The following TRMT9B variants were observed in gnomAD, a reference collection of about 807,000 sequenced individuals.
TRMT9B encodes the protein probable tRNA methyltransferase 9B.
A neutral mutation model predicts 11.5 loss-of-function variants in TRMT9B; 16 were observed. The ratio of observed to expected loss-of-function variants is 1.39; its 90% confidence interval spans 0.94 to 2.11. The LOEUF (loss-of-function observed/expected upper bound fraction) is 2.11. TRMT9B is among the 30% of genes most tolerant of loss of function. TRMT9B has a pLI of 0.00. For synonymous variants in TRMT9B, 274 were observed against 192.4 expected (o/e 1.42, Z -3.51); for missense variants, 941 against 553.8 (o/e 1.70, Z -7.02).
chr8:12,990,515 G>A (rs1170232545), intron 1 of TRMT9B, among the ~76,000 whole-genome samples: 2 of 152,106 alleles, frequency 1.3e-5, no homozygotes, highest in Non-Finnish European at 2.9e-5. Flanking sequence ...ATTGTCTTAG[G>A]TAGTATTTAT....
rs1806570004 is a variant in TRMT9B at position 12,987,689 on chromosome 8, T to C, written c.-199-3145T>C. 1.4e-4 allele frequency among the ~76,000 whole-genome samples: 4 copies of C among 27,990 alleles called. No homozygotes were observed. In the Admixed American group the frequency reaches 1.8e-3, roughly 12 times the overall value. 18.4% of individuals were successfully genotyped at this position (27,990 alleles called of 152,430 possible). A position where few individuals can be genotyped will look rare whatever the true frequency, so the allele number is the denominator to read the frequency against. On this transcript the variant is annotated intron_variant, in intron 1 of 4. Coordinates refer to ENST00000524591, the MANE Select transcript of TRMT9B (RefSeq NM_020844.3). ...CCTGGGCAACAGAATGAATACCCTG[T>C]CTCAAAAAAAAAAATGCATTTAATA...
chr8:12,965,905 C>T (rs919112293), intron 1 of TRMT9B, among the ~76,000 whole-genome samples: 3 of 150,762 alleles, frequency 2.0e-5, no homozygotes, highest in Admixed American at 6.6e-5. Flanking sequence ...TCCAGCTACT[C>T]GGGAGGCTGA....
intron 1 of TRMT9B, among the ~76,000 whole-genome samples, chr8:12,962,837 G>C (rs1192900522): frequency 6.6e-6 from 1 of 152,158 alleles, no homozygotes; most frequent in African/African-American, 2.4e-5. Flanking sequence ...ATGAAAGTGA[G>C]TCTTTGAAAA....
rs1257098022 is a variant in TRMT9B, at chr8:13,029,329, G to C, written c.*7285G>C. 4 of 166,916 alleles carry C rather than the reference G, an allele frequency of 2.4e-5. No individual in the cohort carries two copies. Among genetic ancestry groups the C allele is most frequent in the Non-Finnish European group, 4.4e-5 (3 of 68,094 alleles). The allele number at this position is 166,916 out of a possible 1,614,324, so 10.3% of individuals were successfully genotyped here. The stretch of plus-strand genomic sequence containing the variant: ...TACAGTTATTTTGACTTTTCCCAGG[G>C]GAAGCTAGCAATAGTTTTAAAAGCA... On this transcript the variant is annotated 3_prime_UTR_variant, in exon 5 of 5. Coordinates refer to ENST00000524591, the MANE Select transcript of TRMT9B (RefSeq NM_020844.3).
At chr8:12,962,271 A>AC (rs374980693) in intron 1 of TRMT9B, 11 of 152,324 alleles carry the variant, frequency 7.2e-5, no homozygotes, top group African/African-American at 2.6e-4. Flanking sequence ...GTGTAGACAC[A>AC]CCCATACATA....
chr8:13,020,956 T>A (rs1813713860), intron 4 of TRMT9B, 52 bp from the exon 5 acceptor site: 1 of 1,224,798 alleles, frequency 8.2e-7, no homozygotes, highest in Admixed American at 2.7e-5. Flanking sequence ...TGTATACGTG[T>A]GTGGGTTTAT....
chr8:12,999,428 A>G (rs1200766857), intron 2 of TRMT9B, among the ~76,000 whole-genome samples: 1 of 152,156 alleles, frequency 6.6e-6, no homozygotes, highest in Non-Finnish European at 1.5e-5. Context: ...TCACACATAC[A>G]TACACGCATA....
intron 2 of TRMT9B, among the ~76,000 whole-genome samples, chr8:12,991,962 C>T (rs943571390): frequency 2.1e-4 from 32 of 152,140 alleles, no homozygotes; most frequent in African/African-American, 7.5e-4. Flanking sequence ...ACCTCTGGGG[C>T]AGCAAATCAG....
At chr8:13,019,248 G>A (rs540706931) in intron 4 of TRMT9B, among the ~76,000 whole-genome samples, 1 of 152,156 alleles carries the variant, frequency 6.6e-6, no homozygotes, top group Non-Finnish European at 1.5e-5. Context: ...TGCAAGTTAT[G>A]GGAGATACAT....
At chr8:12,995,478 T>G (rs1046642679) in intron 2 of TRMT9B, among the ~76,000 whole-genome samples, 1 of 152,296 alleles carries the variant, frequency 6.6e-6, no homozygotes, top group South Asian at 2.1e-4. Flanking sequence ...TATTCTCCAT[T>G]TCTGGCTTTC....
At chr8:12,962,387 T>C (rs1302140679) in intron 1 of TRMT9B, among the ~76,000 whole-genome samples, 4 of 152,254 alleles carry the variant, frequency 2.6e-5, no homozygotes, top group African/African-American at 9.6e-5. Flanking sequence ...TTTGTCTACT[T>C]GTTAAAATGT....
chr8:13,005,432 T>C (rs906108016), intron 2 of TRMT9B, among the ~76,000 whole-genome samples: 14 of 152,278 alleles, frequency 9.2e-5, no homozygotes, highest in Middle Eastern at 3.4e-3. Context: ...TAAAAGAGTA[T>C]ATTGGATTGT....
chr8:12,996,183 A>T (rs1357152520), intron 2 of TRMT9B, among the ~76,000 whole-genome samples: 3 of 152,202 alleles, frequency 2.0e-5, no homozygotes, highest in Non-Finnish European at 4.4e-5. Context: ...GCTACTTGGA[A>T]GCTGTGGCTG....
At position 13,022,374 on chromosome 8, in the gene TRMT9B, A is replaced by G; in HGVS notation, c.*330A>G. 4.8e-6 allele frequency: 1 copy of G among 206,364 alleles called. No homozygotes were observed. Among genetic ancestry groups the G allele is most frequent in the Non-Finnish European group, 1.1e-5 (1 of 95,148 alleles). 12.8% of individuals were successfully genotyped at this position (206,364 alleles called of 1,614,324 possible). A position where few individuals can be genotyped will look rare whatever the true frequency, so the allele number is the denominator to read the frequency against. ...TAGTGTTTTTCAGTATTACACATTG[A>G]TTTAAAAAGATTATGCTGTTAAATA... On this transcript the variant is annotated 3_prime_UTR_variant, in exon 5 of 5. Coordinates refer to ENST00000524591, the MANE Select transcript of TRMT9B (RefSeq NM_020844.3).
chr8:13,012,582 A>G (rs1178936599), intron 3 of TRMT9B, 102 bp from the exon 4 acceptor site: 4 of 1,393,876 alleles, frequency 2.9e-6, no homozygotes, highest in East Asian at 2.6e-5. Context: ...CTCAAAATAA[A>G]TAAATAAATA....
intron 2 of TRMT9B, among the ~76,000 whole-genome samples, chr8:13,003,971 T>G (rs554126024): frequency 6.6e-6 from 1 of 151,748 alleles, no homozygotes; most frequent in South Asian, 2.1e-4. Context: ...GCCATGTGCA[T>G]GCAGAGAGAA....
chr8:13,026,786 C>G lies in TRMT9B; in HGVS notation c.*4742C>G, dbSNP rs1282601470. ...CTAGTCTCTGCTCTTAACCACAACA[C>G]CATATACTCCCACCCCTGGGCCCAG... On this transcript the variant is annotated 3_prime_UTR_variant, in exon 5 of 5. Transcript: ENST00000524591. The G allele has an allele frequency of 6.0e-6, 1 of 167,066 alleles. No homozygotes were observed. The allele number at this position is 167,066 out of a possible 1,614,324, so 10.3% of individuals were successfully genotyped here.
chr8:12,989,895 G>A (rs1408651536), intron 1 of TRMT9B, among the ~76,000 whole-genome samples: 2 of 152,220 alleles, frequency 1.3e-5, no homozygotes, highest in African/African-American at 4.8e-5. Flanking sequence ...GCCTACATAT[G>A]AGTGAGATGT....
chr8:12,994,639 G>C (rs569398661), intron 2 of TRMT9B, among the ~76,000 whole-genome samples: 1 of 152,320 alleles, frequency 6.6e-6, no homozygotes, highest in African/African-American at 2.4e-5. Context: ...CCCTTGAATT[G>C]ATTCTTCTTG....
Sources: gnomAD v4.1 joint callset for allele counts (sites outside exome capture counted in the v4.1 genomes callset) on GRCh38, gnomAD v4.1.1 for gene constraint, MANE v1.5 for transcripts, NCBI Gene and HGNC (gene_info 2026-07-23, HGNC 2026-07-21) for gene names.